The following DMD variants were observed in gnomAD, a reference collection of about 807,000 sequenced individuals.
DMD encodes mutant dystrophin.
Under a neutral mutation model 330.1 loss-of-function variants are expected in DMD, and 63 were observed. That is an observed-to-expected ratio of 0.19 (90% CI 0.16 to 0.24). The LOEUF (loss-of-function observed/expected upper bound fraction) is 0.24. Among genes scored for constraint, DMD ranks in the 10% least tolerant of loss-of-function variants. The probability of loss-of-function intolerance (pLI) is 1.00; values close to 1 mark genes in which losing one functional copy is unlikely to be tolerated. For synonymous variants in DMD, 1,223 were observed against 959.8 expected (o/e 1.27, Z -5.07); for missense variants, 3,344 against 2,684.1 (o/e 1.25, Z -5.43).
intron 21 of DMD, among the ~76,000 whole-genome samples, chrX:32,483,161 A>ATG (rs1174658913): frequency 1.2e-5 from 1 of 85,270 alleles, no homozygotes; most frequent in Non-Finnish European, 2.4e-5. Flanking sequence ...ATATATATAT[A>ATG]TATACACCAT....
intron 1 of DMD, among the ~76,000 whole-genome samples, chrX:33,324,242 A>C (rs1417197067): frequency 9.0e-6 from 1 of 110,971 alleles, no homozygotes; most frequent in African/African-American, 3.3e-5. Context: ...AAAGAACACC[A>C]GTACAGTGTG....
At chrX:33,003,036 G>T (rs12862466) in intron 2 of DMD, among the ~76,000 whole-genome samples, 17,812 of 108,498 alleles carry the variant, frequency 0.16, 2,045 homozygotes, top group African/African-American at 0.4. Context: ...GGTGGTTTTT[G>T]GTTACCTGGG....
chrX:32,514,695 C>T (rs1397391226), intron 18 of DMD, among the ~76,000 whole-genome samples: 1 of 112,465 alleles, frequency 8.9e-6, no homozygotes. Flanking sequence ...GAGCCGAGAT[C>T]GCGCCACTGC....
chrX:31,749,995 G>C (rs1429840342), intron 51 of DMD, among the ~76,000 whole-genome samples: 1 of 108,876 alleles, frequency 9.2e-6, no homozygotes, highest in African/African-American at 3.4e-5. Flanking sequence ...GGGGTTGTTT[G>C]TTTTTTTCTT....
At chrX:31,664,946 G>A (rs2081345383) in intron 53 of DMD, among the ~76,000 whole-genome samples, 1 of 110,795 alleles carries the variant, frequency 9.0e-6, no homozygotes, top group Non-Finnish European at 1.9e-5. Context: ...CAAGGCCCTC[G>A]AATATATGAC....
chrX:32,037,476 G>A (rs1277972780), intron 44 of DMD, among the ~76,000 whole-genome samples: 1 of 112,073 alleles, frequency 8.9e-6, no homozygotes, highest in African/African-American at 3.2e-5. Flanking sequence ...TATTTCTAAT[G>A]ATAGATTCTT....
chrX:32,767,337 C>T (rs1339872695), intron 7 of DMD, among the ~76,000 whole-genome samples: 1 of 110,286 alleles, frequency 9.1e-6, no homozygotes, highest in Admixed American at 9.7e-5. Flanking sequence ...TTCTTTAGTC[C>T]ATCTCCATTT....
At chrX:32,605,848 G>C (rs1091268) in intron 12 of DMD, among the ~76,000 whole-genome samples, 43,779 of 108,435 alleles carry the variant, frequency 0.4, 6,380 homozygotes, top group South Asian at 0.6. Context: ...AAGGAGATAT[G>C]ATCTCACACC....
At chrX:32,139,948 T>C (rs1415396834) in intron 44 of DMD, among the ~76,000 whole-genome samples, 2 of 112,469 alleles carry the variant, frequency 1.8e-5, no homozygotes, top group Admixed American at 1.9e-4. Context: ...ACGGAAAACA[T>C]AGTTGCTATA....
chrX:32,320,026 T>C (rs2097603867), intron 41 of DMD, among the ~76,000 whole-genome samples: 1 of 111,018 alleles, frequency 9.0e-6, no homozygotes, highest in African/African-American at 3.3e-5. Context: ...CACATACTTA[T>C]ACTTAATTCA....
At chrX:32,000,332 G>A (rs775510857) in intron 44 of DMD, among the ~76,000 whole-genome samples, 25 of 111,973 alleles carry the variant, frequency 2.2e-4, no homozygotes, top group Middle Eastern at 4.6e-3. Flanking sequence ...CTACTTAATC[G>A]TTGTCTTTCT....
intron 41 of DMD, among the ~76,000 whole-genome samples, chrX:32,321,355 C>T (rs985582465): frequency 1.8e-5 from 2 of 111,167 alleles, no homozygotes; most frequent in African/African-American, 3.3e-5. Flanking sequence ...TGATGATGAA[C>T]TGGTGATATT....
At chrX:31,433,862 T>TC (rs2149018088) in intron 60 of DMD, among the ~76,000 whole-genome samples, 1 of 112,105 alleles carries the variant, frequency 8.9e-6, no homozygotes, top group African/African-American at 3.2e-5. Flanking sequence ...ATAGTTTTTT[T>TC]CCCCTAATTT....
At chrX:32,030,894 G>A (rs1326551598) in intron 44 of DMD, among the ~76,000 whole-genome samples, 4 of 111,702 alleles carry the variant, frequency 3.6e-5, no homozygotes, top group Non-Finnish European at 7.5e-5. Flanking sequence ...GCTAGTGGAA[G>A]AGCTAGAATT....
At chrX:32,754,182 G>GTATTT (rs10634969) in intron 7 of DMD, among the ~76,000 whole-genome samples, 30,111 of 110,260 alleles carry the variant, frequency 0.27, 5,916 homozygotes, top group African/African-American at 0.69. Flanking sequence ...ACTTTTACAT[G>GTATTT]TATGTAACTA....
intron 59 of DMD, among the ~76,000 whole-genome samples, chrX:31,463,236 T>C (rs764068342): frequency 7.2e-5 from 8 of 111,858 alleles, no homozygotes; most frequent in Non-Finnish European, 1.3e-4. Flanking sequence ...TGCTTTTAAA[T>C]AGAAAAACCT....
At chrX:32,502,091 T>C (rs937458573) in intron 18 of DMD, among the ~76,000 whole-genome samples, 9 of 111,679 alleles carry the variant, frequency 8.1e-5, no homozygotes, top group Non-Finnish European at 1.1e-4. Flanking sequence ...TTTTACATTA[T>C]AGTTTCTGAT....
intron 7 of DMD, among the ~76,000 whole-genome samples, chrX:32,780,553 C>T (rs1277194806): frequency 9.3e-6 from 1 of 107,284 alleles, no homozygotes; most frequent in Non-Finnish European, 1.9e-5. Flanking sequence ...ATCAGGAAGG[C>T]CTTTCTTCAG....
chrX:32,133,013 T>TC (rs1569545939), intron 44 of DMD, among the ~76,000 whole-genome samples: 1 of 53,360 alleles, frequency 1.9e-5, no homozygotes, highest in African/African-American at 5.3e-5. Context: ...TTTTTTTTTT[T>TC]TTTTTTTTTT....
Sources: gnomAD v4.1 joint callset for allele counts (sites outside exome capture counted in the v4.1 genomes callset) on GRCh38, gnomAD v4.1.1 for gene constraint, MANE v1.5 for transcripts, NCBI Gene and HGNC (gene_info 2026-07-23, HGNC 2026-07-21) for gene names.